The following RMRP variants were observed in gnomAD, a reference collection of about 807,000 sequenced individuals.
The protein encoded by RMRP is RNA component of mitochondrial RNA processing endoribonuclease.
At position 35,657,757 on chromosome 9, in the gene RMRP, G is replaced by A. The variant is rs533294975; in HGVS notation, n.261C>T. The A allele has an allele frequency of 4.4e-6, 3 of 686,116 alleles. No individual in the cohort carries two copies. Among genetic ancestry groups the A allele is most frequent in the East Asian group, 2.7e-5 (1 of 36,994 alleles). 42.5% of individuals were successfully genotyped at this position (686,116 alleles called of 1,614,324 possible). On this transcript the variant is annotated non_coding_transcript_exon_variant, in exon 1 of 1. Coordinates refer to ENST00000363046, the Ensembl canonical transcript of RMRP. The stretch of plus-strand genomic sequence containing the variant: ...GTGGTCTCGGGAACAAAAAACAGCC[G>A]CGCTGAGAATGAGCCCCGTGTGGTT...
rs1394104178 is a variant in RMRP at position 35,657,974 on chromosome 9, G to A, written n.44C>T. The stretch of plus-strand genomic sequence containing the variant: ...CCCCTAGGCGGAAAGGGGAGGAACA[G>A]AGTCCTCAGTGTGTAGCCTAGGATA... On this transcript the variant is annotated non_coding_transcript_exon_variant, in exon 1 of 1. Coordinates refer to ENST00000363046, the Ensembl canonical transcript of RMRP. The A allele has an allele frequency of 1.1e-5, 8 of 700,352 alleles. No homozygotes were observed. The highest frequency in any genetic ancestry group is 6.0e-5 in the Admixed American group (3 of 49,992). 43.4% of individuals were successfully genotyped at this position (700,352 alleles called of 1,614,324 possible). A position where few individuals can be genotyped will look rare whatever the true frequency, so the allele number is the denominator to read the frequency against.
chr9:35,658,019 A>T (rs188190570), upstream of RMRP: 48 of 690,034 alleles, frequency 7.0e-5, no homozygotes, highest in African/African-American at 7.4e-4. Context: ...AGCACGAACC[A>T]CGTCCTCAGC....
chr9:35,657,949 C>T (rs1323212042), exon 1 of RMRP: 2 of 700,320 alleles, frequency 2.9e-6, no homozygotes, highest in Non-Finnish European at 2.6e-6. Flanking sequence ...CGGGGACTTT[C>T]CCCTAGGCGG....
rs889473053 is a variant in RMRP at position 35,657,942 on chromosome 9, G to A, written n.76C>T. 2 of 700,344 alleles carry A rather than the reference G, an allele frequency of 2.9e-6. No individual in the cohort carries two copies. Among genetic ancestry groups the A allele is most frequent in the African/African-American group, 1.7e-5 (1 of 57,212 alleles). 43.4% of individuals were successfully genotyped at this position (700,344 alleles called of 1,614,324 possible). A position where few individuals can be genotyped will look rare whatever the true frequency, so the allele number is the denominator to read the frequency against. On this transcript the variant is annotated non_coding_transcript_exon_variant, in exon 1 of 1. Transcript: ENST00000363046. ...GTGGCACTCTCTGCCCGAGGTCCGG[G>A]GACTTTCCCCTAGGCGGAAAGGGGA...
chr9:35,657,829 T>A (rs907490025), exon 1 of RMRP: 3 of 693,026 alleles, frequency 4.3e-6, no homozygotes, highest in African/African-American at 4.0e-5. Context: ...AGCTGACGGA[T>A]GACGCCCCCG....
chr9:35,657,916 C>G (rs957362192), exon 1 of RMRP: 3 of 700,184 alleles, frequency 4.3e-6, no homozygotes, highest in East Asian at 2.7e-5. Context: ...TGCGTATGCA[C>G]GTGGCACTCT....
chr9:35,657,779 G>A (rs187324737), exon 1 of RMRP: 2 of 697,046 alleles, frequency 2.9e-6, no homozygotes, highest in South Asian at 1.5e-5. Flanking sequence ...AGCCCCGTGT[G>A]GTTGGTGCGC....
chr9:35,657,965 G>A lies in RMRP; in HGVS notation n.53C>T, dbSNP rs193117694. The A allele has an allele frequency of 3.5e-3, 2,468 of 700,470 alleles. 10 individuals are homozygous for A. Among genetic ancestry groups the A allele is most frequent in the Non-Finnish European group, 5.3e-3 (2,057 of 384,818 alleles). The allele number at this position is 700,470 out of a possible 1,614,324, so 43.4% of individuals were successfully genotyped here. A position where few individuals can be genotyped will look rare whatever the true frequency, so the allele number is the denominator to read the frequency against. ...GGGGACTTTCCCCTAGGCGGAAAGG[G>A]GAGGAACAGAGTCCTCAGTGTGTAG... On this transcript the variant is annotated non_coding_transcript_exon_variant, in exon 1 of 1. Coordinates refer to ENST00000363046, the Ensembl canonical transcript of RMRP.
At chr9:35,658,018 C>CACGTCCTCAGCTTCACAGAGTAGT (rs1823632816), upstream of RMRP, 2 of 690,120 alleles carry the variant, frequency 2.9e-6, no homozygotes, top group Non-Finnish European at 2.7e-6. Flanking sequence ...CAGCACGAAC[C>CACGTCCTCAGCTTCACAGAGTAGT]ACGTCCTCAG....
chr9:35,657,759 G>A (rs1435244601), exon 1 of RMRP: 12 of 687,428 alleles, frequency 1.7e-5, no homozygotes, highest in East Asian at 2.7e-5. Context: ...AAACAGCCGC[G>A]CTGAGAATGA....
In RMRP at chr9:35,657,807, G is replaced by GT. The variant is rs1823604831; in HGVS notation, n.210dup. The GT allele has an allele frequency of 2.9e-6, 2 of 692,316 alleles. No homozygotes were observed. The highest frequency in any genetic ancestry group is 4.0e-5 in the African/African-American group (2 of 50,076). 42.9% of individuals were successfully genotyped at this position (692,316 alleles called of 1,614,324 possible). On this transcript the variant is annotated non_coding_transcript_exon_variant, in exon 1 of 1. Transcript: ENST00000363046. ...TGGTGCGCGGACACGCACTGCCTGCGTAACTAGAGGGAGCTGACGGATGAC... is the reference window on the plus strand; with the variant it reads ...TGGTGCGCGGACACGCACTGCCTGCGTTAACTAGAGGGAGCTGACGGATGAC...
Position 35,657,824 on chromosome 9 carries a change from A to G in RMRP, n.194T>C, listed in dbSNP as rs1343590034. ...CTGCCTGCGTAACTAGAGGGAGCTG[A>G]CGGATGACGCCCCCGCGCCACGCCG... On this transcript the variant is annotated non_coding_transcript_exon_variant, in exon 1 of 1. Coordinates refer to ENST00000363046, the Ensembl canonical transcript of RMRP. 1.4e-6 allele frequency: 1 copy of G among 692,864 alleles called. No homozygotes were observed. Among genetic ancestry groups the G allele is most frequent in the African/African-American group, 2.0e-5 (1 of 50,430 alleles). 42.9% of individuals were successfully genotyped at this position (692,864 alleles called of 1,614,324 possible). A position where few individuals can be genotyped will look rare whatever the true frequency, so the allele number is the denominator to read the frequency against.
chr9:35,658,018 C>T (rs773520232), upstream of RMRP: 277 of 690,120 alleles, frequency 4.0e-4, no homozygotes, highest in Non-Finnish European at 6.0e-4. Flanking sequence ...CAGCACGAAC[C>T]ACGTCCTCAG....
rs908555769 is a variant in RMRP, at chr9:35,657,834, C to A, written n.184G>T. On this transcript the variant is annotated non_coding_transcript_exon_variant, in exon 1 of 1. Coordinates refer to ENST00000363046, the Ensembl canonical transcript of RMRP. ...AACTAGAGGGAGCTGACGGATGACG[C>A]CCCCGCGCCACGCCGCTCAGCGGGA... 4 of 693,198 alleles carry A rather than the reference C, an allele frequency of 5.8e-6. No homozygotes were observed. The highest frequency in any genetic ancestry group is 1.5e-5 in the South Asian group (1 of 67,504). The allele number at this position is 693,198 out of a possible 1,614,324, so 42.9% of individuals were successfully genotyped here. A position where few individuals can be genotyped will look rare whatever the true frequency, so the allele number is the denominator to read the frequency against.
At chr9:35,657,970 A>G in exon 1 of RMRP, 5 of 700,428 alleles carry the variant, frequency 7.1e-6, no homozygotes, top group South Asian at 1.5e-5. Flanking sequence ...AAAGGGGAGG[A>G]ACAGAGTCCT....
rs1160309777 is a variant in RMRP, at chr9:35,657,853, A to C, written n.165T>G. 8 of 693,782 alleles carry C rather than the reference A, an allele frequency of 1.2e-5. No individual in the cohort carries two copies. Among genetic ancestry groups the C allele is most frequent in the Middle Eastern group, 3.6e-4 (1 of 2,752 alleles). The allele number at this position is 693,782 out of a possible 1,614,324, so 43.0% of individuals were successfully genotyped here. ...ATGACGCCCCCGCGCCACGCCGCTC[A>C]GCGGGATACGCTTCTTGGCGGACTT... On this transcript the variant is annotated non_coding_transcript_exon_variant, in exon 1 of 1. Transcript: ENST00000363046.
rs756285919 is a variant in RMRP, at chr9:35,657,869, T to A, written n.149A>T. On this transcript the variant is annotated non_coding_transcript_exon_variant, in exon 1 of 1. Transcript: ENST00000363046. ...ACGCCGCTCAGCGGGATACGCTTCT[T>A]GGCGGACTTTGGAGTGGGAAGCGGG... 2.9e-6 allele frequency: 2 copies of A among 693,386 alleles called. No homozygotes were observed. Among genetic ancestry groups the A allele is most frequent in the Admixed American group, 2.0e-5 (1 of 49,582 alleles). 43.0% of individuals were successfully genotyped at this position (693,386 alleles called of 1,614,324 possible).
chr9:35,657,794 A>C (rs1291635665), exon 1 of RMRP: 2 of 699,322 alleles, frequency 2.9e-6, no homozygotes, highest in African/African-American at 1.7e-5. Flanking sequence ...GTGCGCGGAC[A>C]CGCACTGCCT....
rs1085307765 is a variant in RMRP, at chr9:35,657,871, G to A, written n.147C>T. The A allele has an allele frequency of 4.3e-6, 3 of 700,484 alleles. No homozygotes were observed. Among genetic ancestry groups the A allele is most frequent in the Non-Finnish European group, 7.8e-6 (3 of 384,830 alleles). 43.4% of individuals were successfully genotyped at this position (700,484 alleles called of 1,614,324 possible). On this transcript the variant is annotated non_coding_transcript_exon_variant, in exon 1 of 1. Transcript: ENST00000363046. ...GCCGCTCAGCGGGATACGCTTCTTGGCGGACTTTGGAGTGGGAAGCGGGGA... is the reference window on the plus strand; with the variant it reads ...GCCGCTCAGCGGGATACGCTTCTTGACGGACTTTGGAGTGGGAAGCGGGGA...
Sources: allele counts gnomAD v4.1 joint callset, GRCh38; gene constraint gnomAD v4.1.1; transcripts MANE v1.5; gene names NCBI Gene and HGNC (gene_info 2026-07-23, HGNC 2026-07-21).